ATF3: variants seen among roughly 807,000 people sequenced by gnomAD.
ATF3 encodes the protein cyclic AMP-dependent transcription factor ATF-3.
Under a neutral mutation model 18.4 loss-of-function variants are expected in ATF3, and 10 were observed. The observed-to-expected ratio is 0.54, with a 90% CI of 0.34 to 0.92. The LOEUF is 0.92. Among genes scored for constraint, ATF3 ranks in the 40% least tolerant of loss-of-function variants. The probability of loss-of-function intolerance (pLI) is 0.02; values close to 1 mark genes in which losing one functional copy is unlikely to be tolerated. For synonymous variants in ATF3, 78 were observed against 87.9 expected, an observed-to-expected ratio of 0.89 and a Z score of 0.63; for missense variants, 183 against 222.3, an observed-to-expected ratio of 0.82 and a Z score of 1.12.
intron 1 of ATF3, among the ~76,000 whole-genome samples, chr1:212,578,462 A>G (rs1479166760): frequency 6.6e-6 from 1 of 152,192 alleles, no homozygotes; most frequent in East Asian, 1.9e-4. Flanking sequence ...CTTTGCCTGT[A>G]TTCTGGATGT....
At chr1:212,598,828 T>C (rs1282824079) in intron 1 of ATF3, among the ~76,000 whole-genome samples, 3 of 152,260 alleles carry the variant, frequency 2.0e-5, no homozygotes, top group African/African-American at 7.2e-5. Context: ...CTCCACTGTG[T>C]ATAAGTACCA....
intron 1 of ATF3, among the ~76,000 whole-genome samples, chr1:212,609,799 C>T (rs1366220147): frequency 6.6e-6 from 1 of 152,242 alleles, no homozygotes; most frequent in Non-Finnish European, 1.5e-5. Context: ...TGGTCTAGTG[C>T]CAGGACTCTG....
At chr1:212,596,680 C>T (rs1665001451) in intron 1 of ATF3, among the ~76,000 whole-genome samples, 1 of 152,240 alleles carries the variant, frequency 6.6e-6, no homozygotes. Context: ...CACCCACTGG[C>T]TCCCCTTTCA....
intron 1 of ATF3, among the ~76,000 whole-genome samples, chr1:212,581,269 T>C (rs939769953): frequency 6.6e-6 from 1 of 152,238 alleles, no homozygotes; most frequent in Non-Finnish European, 1.5e-5. Context: ...CTTGGTCTTG[T>C]GTCTCAGTGG....
In ATF3 at chr1:212,603,157, C is replaced by A. The variant is rs1156501910; in HGVS notation, c.-4-11861C>A. Among the ~76,000 whole-genome samples the A allele has an allele frequency of 4.6e-5, 7 of 152,280 alleles. No individual in the cohort carries two copies. The East Asian group carries it at 1.2e-3, about 25-fold the overall frequency. On this transcript the variant is annotated intron_variant, in intron 1 of 3. Transcript: ENST00000366981. The stretch of plus-strand genomic sequence containing the variant: ...ACTGAAGTGACCAGCTACCTGGTAG[C>A]CACTCATGTCACCAAACTGGCATAG...
At chr1:212,582,749 G>A (rs1001820017) in intron 1 of ATF3, among the ~76,000 whole-genome samples, 1 of 151,926 alleles carries the variant, frequency 6.6e-6, no homozygotes, top group Non-Finnish European at 1.5e-5. Flanking sequence ...CAAGTATTCC[G>A]GCCTTTCCAT....
intron 1 of ATF3, among the ~76,000 whole-genome samples, chr1:212,598,326 T>C (rs1423821974): frequency 6.6e-6 from 1 of 152,232 alleles, no homozygotes; most frequent in Non-Finnish European, 1.5e-5. Flanking sequence ...ATTTATTTAT[T>C]TTTAACTTTT....
Position 212,618,112 on chromosome 1 carries a change from T to C in ATF3, c.241-15T>C. 2 of 1,613,788 alleles carry C rather than the reference T, an allele frequency of 1.2e-6. No homozygotes were observed. Among genetic ancestry groups the C allele is most frequent in the Non-Finnish European group, 1.7e-6 (2 of 1,179,704 alleles). ...TCTTACTGCCCTTTAAATGTGTTTC[T>C]TTTGGATTTTACAGGTAGCCCCTGA... On this transcript the variant is annotated splice_polypyrimidine_tract_variant and intron_variant, in intron 2 of 3. Transcript: ENST00000341491. The surrounding 1 kb of genome is among the most constrained non-coding windows in gnomAD (Gnocchi z 4.4).
rs1466173837 is a variant in ATF3, at chr1:212,565,999, G to A, written c.-5+516G>A. On this transcript the variant is annotated intron_variant, in intron 1 of 3. Transcript: ENST00000366981. Reference sequence around the variant, plus strand: ...TTTGGGAATAGAATGCTTTGTATCAGCAGTGTAACATGGATAGGTTAACTG... The same window carrying A: ...TTTGGGAATAGAATGCTTTGTATCAACAGTGTAACATGGATAGGTTAACTG... 2.6e-5 allele frequency among the ~76,000 whole-genome samples: 4 copies of A among 152,272 alleles called. No homozygotes were observed. In the East Asian group the frequency reaches 7.7e-4, roughly 29 times the overall value.
chr1:212,617,780 T>C (rs1281945591), intron 2 of ATF3, among the ~76,000 whole-genome samples: 1 of 152,232 alleles, frequency 6.6e-6, no homozygotes, highest in Non-Finnish European at 1.5e-5. Context: ...AGAATCTGTT[T>C]CGGCTTTAAA....
intron 2 of ATF3, 122 bp downstream of exon 2, chr1:212,615,383 A>G (rs1655076438): frequency 1.6e-6 from 2 of 1,269,450 alleles, no homozygotes; most frequent in Non-Finnish European, 2.2e-6. Context: ...CACTGCCCTC[A>G]GGGAGCTTAC....
upstream of ATF3, among the ~76,000 whole-genome samples, chr1:212,608,139 G>A (rs1026469638): frequency 6.6e-6 from 1 of 152,200 alleles, no homozygotes; most frequent in Non-Finnish European, 1.5e-5. Flanking sequence ...GGTGACTTTG[G>A]ACACCTTCCC....
At chr1:212,590,067 A>G (rs917408975) in intron 1 of ATF3, among the ~76,000 whole-genome samples, 2 of 152,186 alleles carry the variant, frequency 1.3e-5, no homozygotes, top group African/African-American at 2.4e-5. Context: ...CAGTTGAATT[A>G]TGTTAAATGT....
chr1:212,587,104 G>A (rs998665833), intron 1 of ATF3, among the ~76,000 whole-genome samples: 6 of 152,190 alleles, frequency 3.9e-5, no homozygotes, highest in Admixed American at 6.5e-5. Context: ...GAAGGCGGGA[G>A]AAGAAGATTA....
chr1:212,586,080 G>A (rs892233653), intron 1 of ATF3, among the ~76,000 whole-genome samples: 1 of 152,118 alleles, frequency 6.6e-6, no homozygotes, highest in Admixed American at 6.6e-5. Context: ...GGAGGTCCTG[G>A]CTCCTTTTTT....
intron 1 of ATF3, among the ~76,000 whole-genome samples, chr1:212,567,062 G>GA (rs1402290882): frequency 6.6e-6 from 1 of 152,162 alleles, no homozygotes; most frequent in Non-Finnish European, 1.5e-5. Context: ...CAGCGAAAGC[G>GA]AAATTGGCCA....
chr1:212,585,410 C>T, intron 1 of ATF3, among the ~76,000 whole-genome samples: 1 of 152,200 alleles, frequency 6.6e-6, no homozygotes, highest in South Asian at 2.1e-4. Flanking sequence ...CTGCCTAGAG[C>T]CCTCTTCTTA....
At chr1:212,569,305 G>C (rs1480394593) in intron 1 of ATF3, among the ~76,000 whole-genome samples, 1 of 152,180 alleles carries the variant, frequency 6.6e-6, no homozygotes, top group Admixed American at 6.5e-5. Flanking sequence ...AGCCTAGGAC[G>C]AGGTAGAGAG....
At chr1:212,591,170 G>C (rs1215770851) in intron 1 of ATF3, among the ~76,000 whole-genome samples, 1 of 152,060 alleles carries the variant, frequency 6.6e-6, no homozygotes, top group Non-Finnish European at 1.5e-5. Context: ...CCTCTACTTG[G>C]AATGCTTTTC....
Sources: allele counts gnomAD v4.1 joint callset (sites outside exome capture counted in the v4.1 genomes callset), GRCh38; gene constraint gnomAD v4.1.1; non-coding constraint Gnocchi (gnomAD v3.1); transcripts MANE v1.5; gene names NCBI Gene and HGNC (gene_info 2026-07-23, HGNC 2026-07-21).